The following CHRM2 variants were observed in gnomAD, a reference collection of about 807,000 sequenced individuals.
CHRM2 encodes the protein cholinergic receptor muscarinic 2.
Under a neutral mutation model 25.0 loss-of-function variants are expected in CHRM2, and 8 were observed. The observed-to-expected ratio is 0.32, with a 90% CI of 0.19 to 0.58. The LOEUF (loss-of-function observed/expected upper bound fraction) is 0.58, where lower values mean the gene tolerates loss of function less well. Ranked by LOEUF, CHRM2 falls within the 20% of genes least tolerant of loss-of-function variation. The probability of loss-of-function intolerance (pLI) is 0.88; values close to 1 mark genes in which losing one functional copy is unlikely to be tolerated. For synonymous variants in CHRM2, 202 were observed against 205.7 expected (o/e 0.98, Z 0.15); for missense variants, 440 against 567.1 (o/e 0.78, Z 2.28).
chr7:136,929,430 A>G (rs1012446164), intron 2 of CHRM2, among the ~76,000 whole-genome samples: 2 of 152,110 alleles, frequency 1.3e-5, no homozygotes, highest in Admixed American at 6.5e-5. Flanking sequence ...ATAAAAATAT[A>G]CACAGTTGCT....
At position 136,868,706 on chromosome 7, in the gene CHRM2, T is replaced by C. The variant is rs1045358768; in HGVS notation, c.-569T>C. ...ATACAGACACGCTCTCCTGCTGTAC[T>C]AAAGGCGCCAGGGCGCAAAGACCTA... is the stretch of plus-strand genomic sequence containing the variant. On this transcript the variant is annotated 5_prime_UTR_variant, in exon 1 of 4. Transcript: ENST00000680005. 2.0e-5 allele frequency: 3 copies of C among 152,250 alleles called. No individual in the cohort carries two copies. The highest frequency in any genetic ancestry group is 7.3e-5 in the African/African-American group (3 of 41,296). 9.4% of individuals were successfully genotyped at this position (152,250 alleles called of 1,614,324 possible).
chr7:136,923,197 A>G (rs1312219640), intron 2 of CHRM2, among the ~76,000 whole-genome samples: 1 of 152,022 alleles, frequency 6.6e-6, no homozygotes, highest in African/African-American at 2.4e-5. Context: ...GGAGAGTACT[A>G]CTACATCTTA....
Position 136,924,148 on chromosome 7 carries a change from GAAAC to G in CHRM2, c.-125+54733_-125+54736del, listed in dbSNP as rs368901001. Reference sequence around the variant, plus strand: ...TCACCCAAATACATATGTTTCCTAAGAAACAACATGTGTGTGCAAATGTGGTATG... The same window carrying G: ...TCACCCAAATACATATGTTTCCTAAGAACATGTGTGTGCAAATGTGGTATG... On this transcript the variant is annotated intron_variant, in intron 2 of 3. Transcript: ENST00000680005. Among the ~76,000 whole-genome samples the G allele has an allele frequency of 2.9e-4, 44 of 152,050 alleles. No individual in the cohort carries two copies. In the East Asian group the frequency reaches 8.3e-3, roughly 29 times the overall value.
intron 2 of CHRM2, chr7:136,938,333 G>A: frequency 2.0e-6 from 3 of 1,510,396 alleles, no homozygotes; most frequent in Non-Finnish European, 1.8e-6. Flanking sequence ...ATGTTGCTCC[G>A]AGTCGTCGTC....
intron 2 of CHRM2, among the ~76,000 whole-genome samples, chr7:136,906,118 T>TAC: frequency 6.6e-6 from 1 of 150,814 alleles, no homozygotes; most frequent in Admixed American, 6.6e-5. Flanking sequence ...TATGTGTGTG[T>TAC]ATATATACAC....
chr7:137,008,668 T>C (rs1456678173), intron 3 of CHRM2, among the ~76,000 whole-genome samples: 2 of 151,864 alleles, frequency 1.3e-5, no homozygotes, highest in African/African-American at 2.4e-5. Context: ...GTAGGAAGCA[T>C]GTATACTAAG....
intron 3 of CHRM2, among the ~76,000 whole-genome samples, chr7:136,997,013 ATC>A (rs1363468713): frequency 6.6e-6 from 1 of 152,192 alleles, no homozygotes; most frequent in Non-Finnish European, 1.5e-5. Flanking sequence ...ACCCAGCTGT[ATC>A]TCAACAGTGG....
At position 136,894,619 on chromosome 7, in the gene CHRM2, G is replaced by A. The variant is rs184334560; in HGVS notation, c.-125+25201G>A. The stretch of plus-strand genomic sequence containing the variant: ...ACTCCTGACCTCAGGTGATCCACCC[G>A]CCTCGGCCTCCCAAAGTGCTGGGAT... On this transcript the variant is annotated intron_variant, in intron 2 of 3. Coordinates refer to ENST00000680005, the MANE Select transcript of CHRM2 (RefSeq NM_001006630.2). 1.2e-3 allele frequency among the ~76,000 whole-genome samples: 189 copies of A among 152,190 alleles called. 2 individuals carry two copies. The highest frequency in any genetic ancestry group is 0.012 in the East Asian group (63 of 5,158).
intron 2 of CHRM2, among the ~76,000 whole-genome samples, chr7:136,979,486 T>C (rs1197397059): frequency 1.3e-5 from 2 of 152,230 alleles, no homozygotes; most frequent in Non-Finnish European, 2.9e-5. Context: ...TTTGTTGCCA[T>C]TGCTTTTGGT....
At chr7:136,888,988 C>T (rs2130549124) in intron 2 of CHRM2, among the ~76,000 whole-genome samples, 1 of 131,778 alleles carries the variant, frequency 7.6e-6, no homozygotes, top group Non-Finnish European at 1.5e-5. Context: ...GCGGAGCTTG[C>T]AGTGAGCCGA....
At chr7:136,883,626 C>T (rs1297193317) in intron 2 of CHRM2, among the ~76,000 whole-genome samples, 1 of 152,056 alleles carries the variant, frequency 6.6e-6, no homozygotes, top group Non-Finnish European at 1.5e-5. Flanking sequence ...ACTTGTATTC[C>T]TTCTAAGAAA....
intron 2 of CHRM2, among the ~76,000 whole-genome samples, chr7:136,930,876 T>G (rs1274809508): frequency 1.7e-4 from 19 of 114,706 alleles, no homozygotes; most frequent in Admixed American, 6.7e-4. Flanking sequence ...CAGCCTGGGC[T>G]ACAGAGCCAG....
chr7:136,895,164 C>A (rs544097615), intron 2 of CHRM2, among the ~76,000 whole-genome samples: 2 of 152,156 alleles, frequency 1.3e-5, no homozygotes, highest in Admixed American at 6.5e-5. Flanking sequence ...AAAGTATTTT[C>A]ATAATATTAG....
chr7:136,925,122 A>C (rs1300901234), intron 2 of CHRM2, among the ~76,000 whole-genome samples: 1 of 152,206 alleles, frequency 6.6e-6, no homozygotes, highest in East Asian at 1.9e-4. Flanking sequence ...AATGCAACAT[A>C]ATAAATGGAA....
At chr7:136,889,906 A>G (rs1282526078) in intron 2 of CHRM2, among the ~76,000 whole-genome samples, 1 of 152,236 alleles carries the variant, frequency 6.6e-6, no homozygotes, top group Admixed American at 6.5e-5. Flanking sequence ...TTTCACAAAT[A>G]TAAAGCACAG....
At chr7:136,916,291 G>C (rs996286452) in intron 2 of CHRM2, among the ~76,000 whole-genome samples, 1 of 151,730 alleles carries the variant, frequency 6.6e-6, no homozygotes, top group Non-Finnish European at 1.5e-5. Flanking sequence ...TCAACATAAG[G>C]ATGAATACAT....
intron 3 of CHRM2, among the ~76,000 whole-genome samples, chr7:136,999,320 C>T (rs934776993): frequency 3.9e-5 from 6 of 152,070 alleles, no homozygotes; most frequent in Non-Finnish European, 8.8e-5. Context: ...CACCATGGCA[C>T]ACGTTTATTT....
chr7:136,962,404 G>A (rs568219387), intron 2 of CHRM2, among the ~76,000 whole-genome samples: 13 of 152,254 alleles, frequency 8.5e-5, no homozygotes, highest in African/African-American at 3.1e-4. Context: ...CAATGTGCTG[G>A]GATTACAGGT....
At chr7:136,967,799 T>C (rs1234257172) in intron 2 of CHRM2, among the ~76,000 whole-genome samples, 1 of 152,074 alleles carries the variant, frequency 6.6e-6, no homozygotes, top group East Asian at 1.9e-4. Flanking sequence ...TCAGCTCCAC[T>C]GAAACTACAA....
Sources: allele counts gnomAD v4.1 joint callset (sites outside exome capture counted in the v4.1 genomes callset), GRCh38; gene constraint gnomAD v4.1.1; transcripts MANE v1.5; gene names NCBI Gene and HGNC (gene_info 2026-07-23, HGNC 2026-07-21).